The following PRICKLE1 variants were observed in gnomAD, a reference collection of about 807,000 sequenced individuals.
The protein encoded by PRICKLE1 is prickle planar cell polarity protein 1.
A neutral mutation model predicts 70.2 loss-of-function variants in PRICKLE1; 14 were observed. The ratio of observed to expected loss-of-function variants is 0.20; its 90% CI spans 0.13 to 0.31. The LOEUF (loss-of-function observed/expected upper bound fraction) is 0.31. Ranked by LOEUF, PRICKLE1 falls within the 10% of genes least tolerant of loss-of-function variation. PRICKLE1 has a pLI of 1.00. For missense variants in PRICKLE1, 821 were observed against 1,026.2 expected (o/e 0.80, Z 2.73); for synonymous variants, 357 against 379.9 (o/e 0.94, Z 0.70).
intron 1 of PRICKLE1, among the ~76,000 whole-genome samples, chr12:42,506,560 T>C (rs1414703380): frequency 7.3e-6 from 1 of 137,286 alleles, no homozygotes; most frequent in Non-Finnish European, 1.5e-5. Context: ...CCCAGCTCAA[T>C]AGTGTTCTTT....
In PRICKLE1 at chr12:42,568,648, T is replaced by C. The variant is rs1295450343; in HGVS notation, c.-49+20817A>G. On this transcript the variant is annotated intron_variant, in intron 1 of 7. Coordinates refer to ENST00000345127, the MANE Select transcript of PRICKLE1 (RefSeq NM_153026.3). ...AGGCAATTTTATTCTATTATGTACA[T>C]CTTAAAAACTATCATAATTCAGAAG... 2.6e-5 allele frequency among the ~76,000 whole-genome samples: 4 copies of C among 152,220 alleles called. No individual in the cohort carries two copies. The East Asian group carries it at 7.7e-4, about 29-fold the overall frequency.
chr12:42,558,637 G>A (rs930704920), intron 1 of PRICKLE1, among the ~76,000 whole-genome samples: 1 of 152,188 alleles, frequency 6.6e-6, no homozygotes, highest in African/African-American at 2.4e-5. Flanking sequence ...CGCTGTCTTT[G>A]AGCTACTAAA....
chr12:42,530,465 G>A (rs1050036051), intron 1 of PRICKLE1, among the ~76,000 whole-genome samples: 5 of 151,874 alleles, frequency 3.3e-5, no homozygotes, highest in South Asian at 2.1e-4. Context: ...CTCATCAAAC[G>A]TAAGCTCGAT....
At chr12:42,554,313 T>C (rs1402889679) in intron 1 of PRICKLE1, among the ~76,000 whole-genome samples, 2 of 152,166 alleles carry the variant, frequency 1.3e-5, no homozygotes, top group South Asian at 2.1e-4. Flanking sequence ...CTCATTCTTA[T>C]TGTAAAGGAA....
intron 1 of PRICKLE1, among the ~76,000 whole-genome samples, chr12:42,494,340 C>T (rs73275835): frequency 0.053 from 8,115 of 152,226 alleles, 623 homozygotes; most frequent in African/African-American, 0.17. Context: ...GCATTTTACC[C>T]GCAGTAGAAT....
rs557642285 is a variant in PRICKLE1, at chr12:42,545,369, T to C, written c.-49+44096A>G. Reference sequence around the variant, plus strand: ...GGCACTGAAAAAAACTTGTTGAATGTCATTCAATGAATGACACACATATCC... The same window carrying C: ...GGCACTGAAAAAAACTTGTTGAATGCCATTCAATGAATGACACACATATCC... On this transcript the variant is annotated intron_variant, in intron 1 of 7. Transcript: ENST00000345127. Among the ~76,000 whole-genome samples the C allele has an allele frequency of 3.9e-5, 6 of 152,302 alleles. No individual in the cohort carries two copies. In the South Asian group the frequency reaches 1.0e-3, roughly 26 times the overall value.
intron 5 of PRICKLE1, among the ~76,000 whole-genome samples, chr12:42,467,280 C>A (rs1417657610): frequency 6.6e-6 from 1 of 151,994 alleles, no homozygotes; most frequent in Non-Finnish European, 1.5e-5. Context: ...CCATGCCCAG[C>A]TAATTTTTGT....
chr12:42,460,080 C>T lies in PRICKLE1; in HGVS notation c.2225G>A (p.Gly742Asp), dbSNP rs1180000042. Residue 742 changes from glycine to aspartate, a missense_variant, in exon 8 of 8, where the codon GGC (glycine) becomes GAC (aspartate). Transcript: ENST00000345127. ...GQYAHATSDY[G>D]LQNPGMNRFL... ...CCGATTCATTCCTGGGTTCTGCAGG[C>T]CATAATCGGAAGTGGCATGGGCGTA... 1.9e-6 allele frequency: 3 copies of T among 1,614,130 alleles called. 1 individual carries two copies. The highest frequency in any genetic ancestry group is 1.7e-5 in the Admixed American group (1 of 60,018).
At chr12:42,477,371 T>TCAAAA (rs1384509315) in intron 1 of PRICKLE1, among the ~76,000 whole-genome samples, 13 of 143,246 alleles carry the variant, frequency 9.1e-5, no homozygotes, top group African/African-American at 2.4e-4. Context: ...AAACTCTGTC[T>TCAAAA]CAAAACAAAA....
chr12:42,467,353 G>A lies in PRICKLE1; in HGVS notation c.589-973C>T, dbSNP rs1252969977. ...GATGGTCTCTGTCTCTTGACCTCGT[G>A]ATCTGCCCATCTCGGCCTCCCAAAG... On this transcript the variant is annotated intron_variant, in intron 5 of 7. Coordinates refer to ENST00000345127, the MANE Select transcript of PRICKLE1 (RefSeq NM_153026.3). Among the ~76,000 whole-genome samples the A allele has an allele frequency of 2.0e-5, 3 of 152,290 alleles. No individual in the cohort carries two copies. In the East Asian group the frequency reaches 5.8e-4, roughly 29 times the overall value.
Position 42,457,768 on chromosome 12 carries a change from A to C in PRICKLE1, c.*2041T>G, listed in dbSNP as rs983939642. 3.9e-5 allele frequency: 6 copies of C among 152,252 alleles called. No individual in the cohort carries two copies. The allele number at this position is 152,252 out of a possible 1,614,324, so 9.4% of individuals were successfully genotyped here. On this transcript the variant is annotated 3_prime_UTR_variant, in exon 8 of 8. Transcript: ENST00000345127. ...GAAAAAAGCATGTCACAGCACATATAGGTCACTACCACTTTTAAAAGACAC... is the reference window on the plus strand; with the variant it reads ...GAAAAAAGCATGTCACAGCACATATCGGTCACTACCACTTTTAAAAGACAC...
Position 42,459,557 on chromosome 12 carries a change from G to T in PRICKLE1, c.*252C>A, listed in dbSNP as rs558237556. On this transcript the variant is annotated 3_prime_UTR_variant, in exon 8 of 8. Coordinates refer to ENST00000345127, the MANE Select transcript of PRICKLE1 (RefSeq NM_153026.3). ...AGGACTGGAAAACCAAAGCAGCTAC[G>T]TCCATCTGTAACGCACCCGCACCGG... 17 of 618,246 alleles carry T rather than the reference G, an allele frequency of 2.7e-5. No homozygotes were observed. In the South Asian group the frequency reaches 2.9e-4, roughly 11 times the overall value. The allele number at this position is 618,246 out of a possible 1,614,324, so 38.3% of individuals were successfully genotyped here. A position where few individuals can be genotyped will look rare whatever the true frequency, so the allele number is the denominator to read the frequency against.
intron 1 of PRICKLE1, among the ~76,000 whole-genome samples, chr12:42,498,290 G>A (rs573941689): frequency 4.6e-5 from 7 of 151,054 alleles, no homozygotes; most frequent in South Asian, 2.1e-4. Context: ...CTCCCACCCC[G>A]GCCCTGCTGA....
At chr12:42,556,647 G>A (rs1216944965) in intron 1 of PRICKLE1, among the ~76,000 whole-genome samples, 2 of 152,186 alleles carry the variant, frequency 1.3e-5, no homozygotes, top group African/African-American at 4.8e-5. Context: ...TTAAGTGACT[G>A]AACAAATGAG....
At chr12:42,552,382 A>G (rs1226972217) in intron 1 of PRICKLE1, among the ~76,000 whole-genome samples, 1 of 152,166 alleles carries the variant, frequency 6.6e-6, no homozygotes, top group Non-Finnish European at 1.5e-5. Context: ...AAGTTCCTTA[A>G]TGTCACTCTA....
intron 1 of PRICKLE1, among the ~76,000 whole-genome samples, chr12:42,528,301 T>C (rs1169490867): frequency 6.6e-6 from 1 of 152,068 alleles, no homozygotes; most frequent in Non-Finnish European, 1.5e-5. Flanking sequence ...CTCGAACTCC[T>C]GGGCTCAAGT....
intron 1 of PRICKLE1, among the ~76,000 whole-genome samples, chr12:42,506,728 A>G (rs1386866418): frequency 1.3e-5 from 2 of 151,352 alleles, no homozygotes; most frequent in African/African-American, 4.9e-5. Flanking sequence ...ACCCACCACC[A>G]TGCCCGGCTA....
intron 1 of PRICKLE1, among the ~76,000 whole-genome samples, chr12:42,523,656 T>TA (rs1279516255): frequency 6.6e-6 from 1 of 152,042 alleles, no homozygotes. Flanking sequence ...CATTAAAGGG[T>TA]AAAAAATCTG....
At chr12:42,539,785 T>C (rs1163798171) in intron 1 of PRICKLE1, among the ~76,000 whole-genome samples, 1 of 152,246 alleles carries the variant, frequency 6.6e-6, no homozygotes, top group Non-Finnish European at 1.5e-5. Flanking sequence ...TTCTTAAATG[T>C]ATTCCTGACA....
Sources: allele counts gnomAD v4.1 joint callset (sites outside exome capture counted in the v4.1 genomes callset), GRCh38; gene constraint gnomAD v4.1.1; transcripts MANE v1.5; gene names NCBI Gene and HGNC (gene_info 2026-07-23, HGNC 2026-07-21).